The following MALRD1 variants were observed in gnomAD, a reference collection of about 807,000 sequenced individuals.
MALRD1 encodes MAM and LDL-receptor class A domain-containing protein 1.
MALRD1 carries 247 observed loss-of-function variants against 242.1 expected under a neutral mutation model. That is an observed-to-expected ratio of 1.02 (90% CI 0.92 to 1.13). The LOEUF (loss-of-function observed/expected upper bound fraction) is 1.13. Ranked by LOEUF, MALRD1 falls within the 50% of genes most tolerant of loss-of-function variation. The probability of loss-of-function intolerance (pLI) is 0.00; values close to 1 mark genes in which losing one functional copy is unlikely to be tolerated. For synonymous variants in MALRD1, 995 were observed against 866.6 expected, an observed-to-expected ratio of 1.15 and a Z score of -2.60; for missense variants, 2,989 against 2,533.1, an observed-to-expected ratio of 1.18 and a Z score of -3.86.
At chr10:19,536,150 T>C (rs1288351692) in intron 32 of MALRD1, among the ~76,000 whole-genome samples, 1 of 152,060 alleles carries the variant, frequency 6.6e-6, no homozygotes, top group African/African-American at 2.4e-5. Flanking sequence ...ACTTTCTACC[T>C]TCCTAGGTAG....
At chr10:19,414,975 C>T (rs1833454270) in intron 28 of MALRD1, among the ~76,000 whole-genome samples, 1 of 152,168 alleles carries the variant, frequency 6.6e-6, no homozygotes, top group Admixed American at 6.5e-5. Context: ...ATACCTTCTA[C>T]TTGAACTCAT....
chr10:19,417,246 G>C (rs1457475939), intron 28 of MALRD1, among the ~76,000 whole-genome samples: 1 of 151,944 alleles, frequency 6.6e-6, no homozygotes, highest in Non-Finnish European at 1.5e-5. Flanking sequence ...AATGTCCACT[G>C]TTTTTTTCTT....
intron 11 of MALRD1, among the ~76,000 whole-genome samples, chr10:19,147,160 C>G (rs1833753556): frequency 1.3e-5 from 2 of 152,188 alleles, no homozygotes; most frequent in South Asian, 4.1e-4. Context: ...ACCTGGCAAA[C>G]CTTACAATAG....
At chr10:19,220,525 G>T (rs1437495894) in intron 18 of MALRD1, among the ~76,000 whole-genome samples, 1 of 152,040 alleles carries the variant, frequency 6.6e-6, no homozygotes, top group Non-Finnish European at 1.5e-5. Flanking sequence ...CTTTATTGTT[G>T]GTTCACCACA....
intron 17 of MALRD1, 145 bp from the exon 18 acceptor site, chr10:19,209,123 T>C (rs2131628356): frequency 1.6e-6 from 1 of 625,822 alleles, no homozygotes; most frequent in Non-Finnish European, 2.5e-6. Flanking sequence ...AAAAAACACT[T>C]CAGTGTTGGA....
intron 26 of MALRD1, among the ~76,000 whole-genome samples, chr10:19,365,495 T>C (rs1239700741): frequency 6.6e-6 from 1 of 152,080 alleles, no homozygotes; most frequent in African/African-American, 2.4e-5. Context: ...TTGTCACACC[T>C]TTTAAGCAAA....
At chr10:19,543,451 T>TTTTTTTTTTTTTTAAA (rs1554796763) in intron 32 of MALRD1, among the ~76,000 whole-genome samples, 1 of 143,722 alleles carries the variant, frequency 7.0e-6, no homozygotes, top group Non-Finnish European at 1.5e-5. Context: ...TTTTTTTTTT[T>TTTTTTTTTTTTTTAAA]GAGAGAGAAA....
At chr10:19,530,404 T>A (rs1203888265) in intron 31 of MALRD1, among the ~76,000 whole-genome samples, 8 of 19,280 alleles carry the variant, frequency 4.1e-4, no homozygotes, top group East Asian at 1.7e-3. Flanking sequence ...ATAAATATTA[T>A]ATATTTATAT....
At chr10:19,259,692 A>G (rs1839664231) in intron 19 of MALRD1, among the ~76,000 whole-genome samples, 1 of 152,074 alleles carries the variant, frequency 6.6e-6, no homozygotes, top group African/African-American at 2.4e-5. Flanking sequence ...ACCATGTCAT[A>G]TGGTTAGGGC....
chr10:19,050,269 A>G (rs1834450217), intron 1 of MALRD1, among the ~76,000 whole-genome samples: 1 of 149,992 alleles, frequency 6.7e-6, no homozygotes, highest in Non-Finnish European at 1.5e-5. Flanking sequence ...TTGTATTTTT[A>G]GTAGAGACGG....
intron 10 of MALRD1, among the ~76,000 whole-genome samples, chr10:19,138,771 T>C (rs567709291): frequency 3.5e-4 from 53 of 152,274 alleles, no homozygotes; most frequent in African/African-American, 1.3e-3. Flanking sequence ...TTCCCCGTAG[T>C]AAATCATACT....
At chr10:19,508,010 A>G (rs1833218313) in intron 31 of MALRD1, among the ~76,000 whole-genome samples, 1 of 152,050 alleles carries the variant, frequency 6.6e-6, no homozygotes, top group Admixed American at 6.5e-5. Flanking sequence ...ACATTGTAGC[A>G]AAGGGGGAAA....
chr10:19,690,614 T>C (rs1842777890), intron 36 of MALRD1, among the ~76,000 whole-genome samples: 1 of 152,002 alleles, frequency 6.6e-6, no homozygotes, highest in Non-Finnish European at 1.5e-5. Context: ...TATCCCTCAT[T>C]CTATGTGTAT....
Position 19,643,838 on chromosome 10 carries a change from G to C in MALRD1, c.6137+27915G>C, listed in dbSNP as rs574644110. The stretch of plus-strand genomic sequence containing the variant: ...TGGCCATCCTGGGCTGCGTCAAGAG[G>C]CTCCCTTATCCTCTGGCTTCTAACT... On this transcript the variant is annotated intron_variant, in intron 36 of 39. Transcript: ENST00000454679. 2.0e-5 allele frequency among the ~76,000 whole-genome samples: 3 copies of C among 152,266 alleles called. No homozygotes were observed. In the South Asian group the frequency reaches 6.2e-4, roughly 32 times the overall value.
chr10:19,123,150 G>A (rs1312783025), intron 5 of MALRD1, among the ~76,000 whole-genome samples: 1 of 152,210 alleles, frequency 6.6e-6, no homozygotes, highest in Non-Finnish European at 1.5e-5. Context: ...CCTTCAAATA[G>A]TAGACTCTGA....
chr10:19,453,515 T>C (rs1415301990), intron 29 of MALRD1, among the ~76,000 whole-genome samples: 4 of 152,168 alleles, frequency 2.6e-5, no homozygotes, highest in Admixed American at 2.6e-4. Flanking sequence ...ATGTAAATTA[T>C]AAATCAATAA....
chr10:19,681,573 G>A (rs1297786279), intron 36 of MALRD1, among the ~76,000 whole-genome samples: 3 of 152,002 alleles, frequency 2.0e-5, no homozygotes, highest in Non-Finnish European at 2.9e-5. Context: ...TTTTATCATG[G>A]TTCTTAGCTT....
rs544920880 is a variant in MALRD1 at position 19,625,702 on chromosome 10, T to C, written c.6137+9779T>C. 4.7e-4 allele frequency among the ~76,000 whole-genome samples: 72 copies of C among 152,248 alleles called. No homozygotes were observed. In the South Asian group the frequency reaches 7.3e-3, roughly 15 times the overall value. On this transcript the variant is annotated intron_variant, in intron 36 of 39. Coordinates refer to ENST00000454679, the MANE Select transcript of MALRD1 (RefSeq NM_001142308.3). ...GATGAAGCTGTGAATTAAAAGGGGG[T>C]ACTGCACTTGCTGAAATATATCATT...
chr10:19,645,800 G>C (rs56197151), intron 36 of MALRD1, among the ~76,000 whole-genome samples: 8,705 of 152,098 alleles, frequency 0.057, 360 homozygotes, highest in Non-Finnish European at 0.092. Flanking sequence ...AATGGGTGCA[G>C]CACACCAACA....
Sources: allele counts gnomAD v4.1 joint callset (sites outside exome capture counted in the v4.1 genomes callset), GRCh38; gene constraint gnomAD v4.1.1; transcripts MANE v1.5; gene names NCBI Gene and HGNC (gene_info 2026-07-23, HGNC 2026-07-21).